SKAP2: variants seen among roughly 807,000 people sequenced by gnomAD.
The protein encoded by SKAP2 is src kinase associated phosphoprotein 2.
Under a neutral mutation model 54.9 loss-of-function variants are expected in SKAP2, and 28 were observed. The ratio of observed to expected loss-of-function variants is 0.51; its 90% CI spans 0.38 to 0.70. The LOEUF (loss-of-function observed/expected upper bound fraction) is 0.70, where lower values mean the gene tolerates loss of function less well. SKAP2 is among the 30% of genes least tolerant of loss of function. The pLI is 0.00. For synonymous variants in SKAP2, 137 were observed against 134.3 expected (o/e 1.02, Z -0.14); for missense variants, 356 against 424.1 (o/e 0.84, Z 1.41).
intron 4 of SKAP2, among the ~76,000 whole-genome samples, chr7:26,787,616 C>G (rs1247458514): frequency 6.6e-6 from 1 of 152,100 alleles, no homozygotes; most frequent in Non-Finnish European, 1.5e-5. Context: ...CGTGAGCCAC[C>G]ACACCTGGCC....
At chr7:26,658,041 G>C in the SKAP2 span, among the ~76,000 whole-genome samples, 3 of 152,072 alleles carry the variant, frequency 2.0e-5, no homozygotes, top group Non-Finnish European at 4.4e-5. Context: ...GTGCTACTGA[G>C]GTCTGTTGCT....
At chr7:26,821,252 GA>G (rs1784379258) in intron 4 of SKAP2, among the ~76,000 whole-genome samples, 1 of 151,878 alleles carries the variant, frequency 6.6e-6, no homozygotes, top group African/African-American at 2.4e-5. Context: ...ATTACATGGA[GA>G]AAAATAATTA....
At chr7:26,808,823 G>A (rs1431624797) in intron 4 of SKAP2, among the ~76,000 whole-genome samples, 1 of 152,106 alleles carries the variant, frequency 6.6e-6, no homozygotes, top group East Asian at 1.9e-4. Context: ...AGACTTAAGT[G>A]GAATACCTGA....
rs778197962 is a variant in SKAP2, at chr7:26,844,095, C to A, written c.242G>T (p.Gly81Val). The part of the protein sequence containing the change: ...DGEEYDDPFA[G>V]PPDTISLASE... ...GGCTAATGAAATAGTGTCTGGAGGC[C>A]CAGCAAAAGGGTCATCATATTCTTC... Residue 81 changes from glycine to valine, a missense_variant, in exon 4 of 13, where the codon GGG becomes GTG. By Grantham distance (109) the Gly-to-Val change is moderately radical. Coordinates refer to ENST00000345317, the MANE Select transcript of SKAP2 (RefSeq NM_003930.5). The A allele has an allele frequency of 5.0e-6, 8 of 1,611,704 alleles. No individual in the cohort carries two copies. In the East Asian group the frequency reaches 1.8e-4, roughly 36 times the overall value.
At chr7:26,833,825 G>A (rs1026990176) in intron 4 of SKAP2, among the ~76,000 whole-genome samples, 4 of 152,082 alleles carry the variant, frequency 2.6e-5, no homozygotes, top group Non-Finnish European at 4.4e-5. Flanking sequence ...CAGGACTTGA[G>A]CTCAGCACTG....
intron 9 of SKAP2, among the ~76,000 whole-genome samples, chr7:26,710,324 A>G (rs1479818200): frequency 1.3e-5 from 2 of 152,214 alleles, no homozygotes; most frequent in African/African-American, 2.4e-5. Flanking sequence ...AGAATAGCAC[A>G]TATCAACATT....
At chr7:26,853,098 T>C (rs1375028151) in intron 3 of SKAP2, among the ~76,000 whole-genome samples, 1 of 152,184 alleles carries the variant, frequency 6.6e-6, no homozygotes, top group Non-Finnish European at 1.5e-5. Flanking sequence ...TCTCATTCCC[T>C]TCAATCATAC....
At chr7:26,680,662 TA>T (rs906071354) in intron 11 of SKAP2, among the ~76,000 whole-genome samples, 19 of 152,114 alleles carry the variant, frequency 1.2e-4, no homozygotes, top group Non-Finnish European at 2.2e-4. Context: ...TTTTAACACA[TA>T]AAAAAACAGC....
chr7:26,723,387 A>G (rs1787621429), intron 9 of SKAP2, among the ~76,000 whole-genome samples: 1 of 152,142 alleles, frequency 6.6e-6, no homozygotes, highest in African/African-American at 2.4e-5. Context: ...CCCGGGGCAC[A>G]GGTGCAGGCT....
intron 4 of SKAP2, among the ~76,000 whole-genome samples, chr7:26,821,506 A>G (rs1243388983): frequency 6.6e-6 from 1 of 152,182 alleles, no homozygotes; most frequent in Non-Finnish European, 1.5e-5. Flanking sequence ...CTTCTCATCT[A>G]TCTCATTCTA....
At chr7:26,707,292 C>T (rs967474192) in intron 9 of SKAP2, among the ~76,000 whole-genome samples, 3 of 151,416 alleles carry the variant, frequency 2.0e-5, no homozygotes, top group Non-Finnish European at 2.9e-5. Flanking sequence ...CCCAGGAAGT[C>T]GACGCTGCAG....
chr7:26,706,500 T>C (rs1049168206), intron 9 of SKAP2, among the ~76,000 whole-genome samples: 7 of 152,232 alleles, frequency 4.6e-5, no homozygotes, highest in Non-Finnish European at 1.0e-4. Context: ...ATATTGTTAA[T>C]ATTTAATATA....
intron 4 of SKAP2, among the ~76,000 whole-genome samples, chr7:26,818,118 C>T (rs1215304627): frequency 6.6e-6 from 1 of 152,100 alleles, no homozygotes; most frequent in Non-Finnish European, 1.5e-5. Flanking sequence ...AAAAAAGAAC[C>T]CGTATAGCCA....
chr7:26,808,786 G>A (rs1462657286), intron 4 of SKAP2, among the ~76,000 whole-genome samples: 5 of 152,028 alleles, frequency 3.3e-5, no homozygotes, highest in Non-Finnish European at 7.4e-5. Flanking sequence ...CAATGCCTAC[G>A]GCAAAAATCA....
chr7:26,822,515 C>G (rs965033726), intron 4 of SKAP2, among the ~76,000 whole-genome samples: 1 of 152,076 alleles, frequency 6.6e-6, no homozygotes, highest in African/African-American at 2.4e-5. Context: ...CTTCCCCTAT[C>G]TCTCTGCCTC....
intron 4 of SKAP2, among the ~76,000 whole-genome samples, chr7:26,800,411 G>A (rs1163645772): frequency 6.6e-6 from 1 of 151,914 alleles, no homozygotes. Context: ...TGCCTATATT[G>A]AAAAAGAGGA....
intron 4 of SKAP2, among the ~76,000 whole-genome samples, chr7:26,812,742 T>C (rs1041864594): frequency 6.6e-6 from 1 of 152,258 alleles, no homozygotes; most frequent in South Asian, 2.1e-4. Context: ...TCATCTATGG[T>C]CGTATCACTT....
In SKAP2 at chr7:26,854,909, G is replaced by C. The variant is rs1371617092; in HGVS notation, c.68-19C>G. ...TCAACATCTAAACCATGCAATATAA[G>C]AAACAGGATACAAATTATAAGAAAT... is the stretch of plus-strand genomic sequence containing the variant. On this transcript the variant is annotated intron_variant, in intron 1 of 12. Coordinates refer to ENST00000345317, the MANE Select transcript of SKAP2 (RefSeq NM_003930.5). The C allele has an allele frequency of 6.7e-7, 1 of 1,491,512 alleles. No individual in the cohort carries two copies. The highest frequency in any genetic ancestry group is 1.9e-5 in the Admixed American group (1 of 53,442). 92.4% of individuals were successfully genotyped at this position (1,491,512 alleles called of 1,614,324 possible). A position where few individuals can be genotyped will look rare whatever the true frequency, so the allele number is the denominator to read the frequency against.
chr7:26,772,375 T>C (rs1172350312), intron 4 of SKAP2, among the ~76,000 whole-genome samples: 2 of 152,138 alleles, frequency 1.3e-5, no homozygotes, highest in Admixed American at 6.6e-5. Flanking sequence ...ACCCTCACCC[T>C]CCTCCTACTA....
Sources: gnomAD v4.1 joint callset for allele counts (sites outside exome capture counted in the v4.1 genomes callset) on GRCh38, gnomAD v4.1.1 for gene constraint, MANE v1.5 for transcripts, NCBI Gene and HGNC (gene_info 2026-07-23, HGNC 2026-07-21) for gene names.